The following RAD51B variants were observed in gnomAD, a reference collection of about 807,000 sequenced individuals.
RAD51B encodes DNA repair protein RAD51 homolog 2.
In RAD51B, 38 loss-of-function variants were observed where a neutral mutation model predicts 42.2. That is an observed-to-expected ratio of 0.90 (90% CI 0.70 to 1.18). The LOEUF (loss-of-function observed/expected upper bound fraction) is 1.18, where lower values mean the gene tolerates loss of function less well. RAD51B is among the 50% of genes most tolerant of loss of function. The pLI is 0.00. For missense variants in RAD51B, 373 were observed against 400.7 expected (o/e 0.93, Z 0.59); for synonymous variants, 154 against 145.2 (o/e 1.06, Z -0.43).
intron 10 of RAD51B, chr14:68,497,107 T>A: frequency 7.3e-7 from 1 of 1,378,728 alleles, no homozygotes; most frequent in Non-Finnish European, 9.7e-7. Flanking sequence ...ACACTCATGT[T>A]CTTTTTCTTC....
At chr14:68,583,632 T>C (rs1401660740) in intron 10 of RAD51B, among the ~76,000 whole-genome samples, 1 of 152,186 alleles carries the variant, frequency 6.6e-6, no homozygotes, top group Non-Finnish European at 1.5e-5. Context: ...TGGCTCCATT[T>C]AGCACTAGGA....
At chr14:67,864,042 G>GGA (rs761735329) in intron 4 of RAD51B, among the ~76,000 whole-genome samples, 47,779 of 150,544 alleles carry the variant, frequency 0.32, 8,086 homozygotes, top group Middle Eastern at 0.46. Flanking sequence ...TGGCAGAACA[G>GGA]GAGAGAGAGA....
chr14:68,285,176 A>G (rs996718078), intron 7 of RAD51B, among the ~76,000 whole-genome samples: 14 of 152,246 alleles, frequency 9.2e-5, no homozygotes, highest in South Asian at 2.1e-4. Context: ...GACCTGAACA[A>G]TTTCTCACAG....
At chr14:68,502,196 C>T (rs980740465) in intron 10 of RAD51B, among the ~76,000 whole-genome samples, 4 of 152,326 alleles carry the variant, frequency 2.6e-5, no homozygotes, top group South Asian at 2.1e-4. Context: ...GGAGATCACA[C>T]GACAACAGAA....
chr14:68,503,017 A>T (rs1392574361), intron 10 of RAD51B, among the ~76,000 whole-genome samples: 3 of 152,128 alleles, frequency 2.0e-5, no homozygotes, highest in Non-Finnish European at 4.4e-5. Context: ...GCCTCAGCCT[A>T]CCCTGCCTGG....
intron 9 of RAD51B, among the ~76,000 whole-genome samples, chr14:68,437,691 G>T (rs1346997634): frequency 2.0e-5 from 3 of 152,094 alleles, no homozygotes; most frequent in African/African-American, 7.2e-5. Context: ...TTCCTTCTAT[G>T]AAGAGCCATA....
chr14:68,621,670 G>A (rs1316225468), intron 10 of RAD51B, among the ~76,000 whole-genome samples: 1 of 152,246 alleles, frequency 6.6e-6, no homozygotes, highest in Non-Finnish European at 1.5e-5. Flanking sequence ...CAAGTCTTCA[G>A]GCTGGAGCTT....
intron 7 of RAD51B, among the ~76,000 whole-genome samples, chr14:68,253,012 G>A (rs575177086): frequency 3.9e-5 from 6 of 152,046 alleles, no homozygotes; most frequent in East Asian, 1.9e-4. Flanking sequence ...GAACCTGGGC[G>A]GCGGAGGTTG....
intron 10 of RAD51B, among the ~76,000 whole-genome samples, chr14:68,549,540 C>G (rs534374143): frequency 6.7e-6 from 1 of 149,204 alleles, no homozygotes; most frequent in South Asian, 2.2e-4. Context: ...CTCAGCCTCC[C>G]GTGTAGCTGG....
intron 7 of RAD51B, among the ~76,000 whole-genome samples, chr14:67,968,012 T>C (rs1427165871): frequency 1.3e-5 from 2 of 152,168 alleles, no homozygotes; most frequent in African/African-American, 4.8e-5. Flanking sequence ...TAGGTGGAGG[T>C]TCCCAAACCT....
Position 68,636,468 on chromosome 14 carries a change from G to A in RAD51B, c.1037-14313G>A, listed in dbSNP as rs148510102. ...CATGGTGGCAGGCACCTGTAGTCCC[G>A]GCTACTCGGAAGGCTGAGGCAGAAG... On this transcript the variant is annotated intron_variant, in intron 10 of 11. Transcript: ENST00000488612. 5.4e-3 allele frequency among the ~76,000 whole-genome samples: 812 copies of A among 151,340 alleles called. 3 individuals carry two copies. Among genetic ancestry groups the A allele is most frequent in the African/African-American group, 0.019 (777 of 41,230 alleles).
At chr14:67,977,069 C>T (rs1196542738) in intron 7 of RAD51B, among the ~76,000 whole-genome samples, 1 of 152,176 alleles carries the variant, frequency 6.6e-6, no homozygotes, top group Admixed American at 6.5e-5. Context: ...GGAATCAACT[C>T]TAGTTTTTAA....
chr14:68,078,246 T>G (rs897847187), intron 7 of RAD51B, among the ~76,000 whole-genome samples: 1 of 152,210 alleles, frequency 6.6e-6, no homozygotes, highest in Non-Finnish European at 1.5e-5. Context: ...ACTCTGGGCC[T>G]CAAGTCATCC....
chr14:68,504,370 A>T (rs1393830480), intron 10 of RAD51B, among the ~76,000 whole-genome samples: 1 of 152,258 alleles, frequency 6.6e-6, no homozygotes, highest in African/African-American at 2.4e-5. Context: ...TTGTTCACCC[A>T]TATGCACATT....
chr14:68,091,292 G>C (rs982803461), intron 7 of RAD51B, among the ~76,000 whole-genome samples: 26 of 152,138 alleles, frequency 1.7e-4, no homozygotes, highest in African/African-American at 6.3e-4. Flanking sequence ...CTTCCACAAT[G>C]GTTGAACTAG....
intron 10 of RAD51B, among the ~76,000 whole-genome samples, chr14:68,617,234 T>G (rs544366949): frequency 3.0e-4 from 45 of 152,240 alleles, no homozygotes; most frequent in Non-Finnish European, 5.0e-4. Flanking sequence ...AGGCAGTTAC[T>G]TATGGATAAG....
intron 9 of RAD51B, among the ~76,000 whole-genome samples, chr14:68,464,951 C>G (rs940069945): frequency 1.3e-5 from 2 of 152,106 alleles, no homozygotes; most frequent in African/African-American, 4.8e-5. Flanking sequence ...GGTGTGAGAT[C>G]CTTTTGGCTG....
chr14:67,908,667 C>CT (rs1217397989), intron 7 of RAD51B: 1 of 151,980 alleles, frequency 6.6e-6, no homozygotes, highest in African/African-American at 2.4e-5. Context: ...CAGCAGTATG[C>CT]TAGCAGACAC....
intron 7 of RAD51B, among the ~76,000 whole-genome samples, chr14:67,956,402 G>A (rs947328583): frequency 4.6e-5 from 7 of 152,072 alleles, no homozygotes; most frequent in Non-Finnish European, 2.9e-5. Context: ...CAGGAGAATC[G>A]CTTGAACCTG....
Sources: allele counts gnomAD v4.1 joint callset (sites outside exome capture counted in the v4.1 genomes callset), GRCh38; gene constraint gnomAD v4.1.1; transcripts MANE v1.5; gene names NCBI Gene and HGNC (gene_info 2026-07-23, HGNC 2026-07-21).